Variants in RANBP2 observed in about 807,000 individuals in gnomAD.
RANBP2 encodes the protein E3 SUMO-protein ligase RanBP2.
A neutral mutation model predicts 303.6 loss-of-function variants in RANBP2; 57 were observed. The observed-to-expected ratio is 0.19, with a 90% CI of 0.15 to 0.23. RANBP2 has a LOEUF of 0.23. Among genes scored for constraint, RANBP2 ranks in the 10% least tolerant of loss-of-function variants. The pLI, the probability that RANBP2 is intolerant of heterozygous loss-of-function variation, is 1.00. For synonymous variants in RANBP2, 1,167 were observed against 1,301.5 expected (o/e 0.90, Z 2.23); for missense variants, 3,138 against 3,780.8 (o/e 0.83, Z 4.46).
the RANBP2 span, among the ~76,000 whole-genome samples, chr2:109,353,696 A>G: frequency 6.7e-6 from 1 of 150,164 alleles, no homozygotes; most frequent in Admixed American, 6.6e-5. Context: ...TGCGTGCCCA[A>G]TGCCAGGGAT....
the RANBP2 span, among the ~76,000 whole-genome samples, chr2:109,700,424 G>A: frequency 1.3e-5 from 2 of 152,136 alleles, no homozygotes; most frequent in South Asian, 2.1e-4. Context: ...AGATTGGTTC[G>A]GTCTGGAAAT....
At chr2:109,664,941 C>A in the RANBP2 span, among the ~76,000 whole-genome samples, 5 of 150,738 alleles carry the variant, frequency 3.3e-5, no homozygotes, top group South Asian at 1.0e-3. Flanking sequence ...AAAAAAAAAA[C>A]CAAAACCAAA....
chr2:108,753,637 T>C, intron 14 of RANBP2, 74 bp downstream of exon 14: 1 of 1,593,124 alleles, frequency 6.3e-7, no homozygotes, highest in Non-Finnish European at 8.5e-7. Flanking sequence ...GGGGTTTCTC[T>C]GTTGGTCGGG....
chr2:108,986,383 G>C, the RANBP2 span, among the ~76,000 whole-genome samples: 3 of 152,158 alleles, frequency 2.0e-5, no homozygotes, highest in African/African-American at 7.2e-5. Context: ...GATACAGGAG[G>C]GGGAGTGTTT....
At chr2:109,706,298 GAAGTA>G in the RANBP2 span, among the ~76,000 whole-genome samples, 1 of 152,206 alleles carries the variant, frequency 6.6e-6, no homozygotes, top group African/African-American at 2.4e-5. Context: ...TATCGGGAAA[GAAGTA>G]AAGAAAGGCC....
chr2:108,728,597 TG>T (rs1694921269), intron 1 of RANBP2, among the ~76,000 whole-genome samples: 1 of 13,850 alleles, frequency 7.2e-5, no homozygotes, highest in Non-Finnish European at 4.1e-4. Flanking sequence ...AGCTTATTTA[TG>T]ATGATGATGA....
At chr2:109,182,044 A>T in the RANBP2 span, among the ~76,000 whole-genome samples, 14 of 152,342 alleles carry the variant, frequency 9.2e-5, no homozygotes, top group African/African-American at 3.4e-4. Flanking sequence ...TGTGATAAAC[A>T]TATGTATGCC....
chr2:109,613,569 G>C, the RANBP2 span: 1 of 257,052 alleles, frequency 3.9e-6, no homozygotes, highest in African/African-American at 2.3e-5. Context: ...CCCGACGCTG[G>C]CGCCGCGCCC....
At chr2:108,951,379 A>C in the RANBP2 span, among the ~76,000 whole-genome samples, 3 of 152,214 alleles carry the variant, frequency 2.0e-5, no homozygotes. Flanking sequence ...GCTGGGCAGC[A>C]TTGTGTCCAA....
At chr2:109,443,209 A>C in the RANBP2 span, among the ~76,000 whole-genome samples, 1 of 152,254 alleles carries the variant, frequency 6.6e-6, no homozygotes, top group South Asian at 2.1e-4. Context: ...TTTATTTGAC[A>C]AAAGAGAAAA....
chr2:108,729,012 T>C, intron 1 of RANBP2, 120 bp from the exon 2 acceptor site: 1 of 1,264,796 alleles, frequency 7.9e-7, no homozygotes, highest in Non-Finnish European at 1.1e-6. Flanking sequence ...TTAAAAAAAC[T>C]TTTAAGTGAA....
At chr2:109,038,245 C>A in the RANBP2 span, among the ~76,000 whole-genome samples, 1 of 152,164 alleles carries the variant, frequency 6.6e-6, no homozygotes, top group African/African-American at 2.4e-5. Context: ...CAAAAATGAA[C>A]CTTGACTTGT....
the RANBP2 span, among the ~76,000 whole-genome samples, chr2:109,238,502 A>G: frequency 1.3e-5 from 2 of 148,458 alleles, no homozygotes; most frequent in East Asian, 4.0e-4. Context: ...TGTGTGTGAG[A>G]GTGAGACAGA....
the RANBP2 span, among the ~76,000 whole-genome samples, chr2:109,014,394 TTC>T: frequency 6.6e-6 from 1 of 152,220 alleles, no homozygotes; most frequent in Non-Finnish European, 1.5e-5. Context: ...TGCATTCTTC[TTC>T]TCTCAGCTTG....
chr2:108,812,657 G>GA, the RANBP2 span: 1 of 1,612,932 alleles, frequency 6.2e-7, no homozygotes, highest in Non-Finnish European at 8.5e-7. Context: ...AAGAAAACAG[G>GA]AAGATAGACA....
chr2:109,293,048 A>G, the RANBP2 span, among the ~76,000 whole-genome samples: 1 of 152,310 alleles, frequency 6.6e-6, no homozygotes, highest in Middle Eastern at 3.4e-3. Flanking sequence ...TTTAAATGGC[A>G]TCTGTCAGCT....
chr2:108,869,664 T>C, the RANBP2 span, among the ~76,000 whole-genome samples: 1 of 151,902 alleles, frequency 6.6e-6, no homozygotes, highest in African/African-American at 2.4e-5. Context: ...AATTAAGACA[T>C]TTACAGGCAG....
chr2:109,113,844 A>G, the RANBP2 span, among the ~76,000 whole-genome samples: 25 of 152,322 alleles, frequency 1.6e-4, no homozygotes, highest in African/African-American at 6.0e-4. Flanking sequence ...TTTAGCATGA[A>G]GAGTTGTTGA....
the RANBP2 span, among the ~76,000 whole-genome samples, chr2:109,209,637 C>T: frequency 1.3e-5 from 2 of 152,160 alleles, no homozygotes; most frequent in South Asian, 2.1e-4. Context: ...AAGGGAGAAA[C>T]GCTGTGAATC....
Sources: allele counts gnomAD v4.1 joint callset (sites outside exome capture counted in the v4.1 genomes callset), GRCh38; gene constraint gnomAD v4.1.1; transcripts MANE v1.5; gene names NCBI Gene and HGNC (gene_info 2026-07-23, HGNC 2026-07-21).